RYR3: variants seen among roughly 807,000 people sequenced by gnomAD.
The protein encoded by RYR3 is brain ryanodine receptor-calcium release channel.
RYR3 carries 207 observed loss-of-function variants against 584.3 expected under a neutral mutation model. That is an observed-to-expected ratio of 0.35 (90% confidence interval 0.32 to 0.40). The LOEUF (loss-of-function observed/expected upper bound fraction) is 0.40, where lower values mean the gene tolerates loss of function less well. Among genes scored for constraint, RYR3 ranks in the 10% least tolerant of loss-of-function variants. The pLI, the probability that RYR3 is intolerant of heterozygous loss-of-function variation, is 1.00. For missense variants in RYR3, 5,616 were observed against 6,089.2 expected, an observed-to-expected ratio of 0.92 and a Z score of 2.59; for synonymous variants, 2,416 against 2,248.5, an observed-to-expected ratio of 1.07 and a Z score of -2.11.
intron 89 of RYR3, among the ~76,000 whole-genome samples, chr15:33,839,386 A>G (rs186767802): frequency 1.4e-4 from 22 of 152,286 alleles, no homozygotes; most frequent in Non-Finnish European, 3.1e-4. Context: ...TGGCCTCTCT[A>G]TGAGTTTGAT....
chr15:33,666,652 A>T lies in RYR3; in HGVS notation c.5620-2702A>T, dbSNP rs57691356. Among the ~76,000 whole-genome samples the T allele has an allele frequency of 4.1e-3, 630 of 152,350 alleles. 2 individuals are homozygous for T. Among genetic ancestry groups the T allele is most frequent in the African/African-American group, 0.015 (603 of 41,586 alleles). Reference sequence around the variant, plus strand: ...TCCTTCTACAACCTTTGAAGAGAAAACAGATTTTTAAGCCCTATGTCCAGA... The same window carrying T: ...TCCTTCTACAACCTTTGAAGAGAAATCAGATTTTTAAGCCCTATGTCCAGA... On this transcript the variant is annotated intron_variant, in intron 36 of 103. Transcript: ENST00000634891.
At chr15:33,763,456 G>A (rs765111508) in intron 60 of RYR3, among the ~76,000 whole-genome samples, 11 of 151,984 alleles carry the variant, frequency 7.2e-5, no homozygotes, top group Non-Finnish European at 1.3e-4. Flanking sequence ...GGGGGTGAAG[G>A]ATATGAACAG....
intron 60 of RYR3, among the ~76,000 whole-genome samples, chr15:33,766,770 C>CAGG (rs1284324749): frequency 1.3e-5 from 2 of 152,238 alleles, no homozygotes; most frequent in Non-Finnish European, 2.9e-5. Flanking sequence ...GCCCTTGCGC[C>CAGG]ACCTTTTCTG....
At chr15:33,425,885 G>C (rs2596226) in intron 1 of RYR3, among the ~76,000 whole-genome samples, 2 of 152,068 alleles carry the variant, frequency 1.3e-5, no homozygotes, top group East Asian at 3.9e-4. Flanking sequence ...CTCGTGATCC[G>C]CCCGCCTTGG....
chr15:33,461,210 C>G (rs1321505845), intron 1 of RYR3, among the ~76,000 whole-genome samples: 2 of 152,018 alleles, frequency 1.3e-5, no homozygotes, highest in Admixed American at 1.3e-4. Flanking sequence ...TCCCAAAGTG[C>G]TGGGATTACA....
intron 18 of RYR3, among the ~76,000 whole-genome samples, chr15:33,612,318 A>C (rs1157987721): frequency 3.9e-5 from 6 of 152,184 alleles, no homozygotes; most frequent in Non-Finnish European, 8.8e-5. Flanking sequence ...CGAAATAATA[A>C]AGTTCTTTAA....
chr15:33,506,704 C>A (rs1484656623), intron 3 of RYR3, among the ~76,000 whole-genome samples: 1 of 152,162 alleles, frequency 6.6e-6, no homozygotes, highest in Non-Finnish European at 1.5e-5. Context: ...GGTACTAGAA[C>A]CCTCTTGGAA....
In RYR3 at chr15:33,320,248, G is replaced by T. The variant is rs144571798; in HGVS notation, c.51+9152G>T. On this transcript the variant is annotated intron_variant, in intron 1 of 103. Transcript: ENST00000634891. ...AAAGACAGTGTATCATTTATCACAG[G>T]GTATAAAAGAGAGATTGGCAGGCAG... Among the ~76,000 whole-genome samples, 865 of 152,124 alleles carry T rather than the reference G, an allele frequency of 5.7e-3. 6 individuals carry two copies. Among genetic ancestry groups the T allele is most frequent in the Non-Finnish European group, 8.8e-3 (598 of 67,980 alleles).
At position 33,595,841 on chromosome 15, in the gene RYR3, GT is replaced by G. The variant is rs543325092; in HGVS notation, c.1789-5571del. On this transcript the variant is annotated intron_variant, in intron 16 of 103. Transcript: ENST00000634891. ...TTAATTTAAAAAAAAATTTATCTCA[GT>G]TTTTTTCCCTAAGCAAACCAAAACT... Among the ~76,000 whole-genome samples the G allele has an allele frequency of 3.0e-3, 460 of 152,050 alleles. 3 individuals are homozygous for G. The highest frequency in any genetic ancestry group is 0.01 in the Middle Eastern group (3 of 294).
chr15:33,718,781 A>C (rs1355461433), intron 43 of RYR3, among the ~76,000 whole-genome samples: 1 of 152,110 alleles, frequency 6.6e-6, no homozygotes, highest in Admixed American at 6.5e-5. Context: ...TTTCCATCCA[A>C]CTATTCAGGA....
intron 42 of RYR3, among the ~76,000 whole-genome samples, chr15:33,705,256 A>G (rs563482340): frequency 6.6e-6 from 1 of 152,238 alleles, no homozygotes; most frequent in South Asian, 2.1e-4. Flanking sequence ...TCTGAACTCT[A>G]AGCAGAATAT....
At chr15:33,567,900 C>A (rs954697351) in intron 12 of RYR3, among the ~76,000 whole-genome samples, 1 of 152,156 alleles carries the variant, frequency 6.6e-6, no homozygotes, top group Non-Finnish European at 1.5e-5. Context: ...TGGCCACATG[C>A]TAGATTTATC....
intron 71 of RYR3, 67 bp from the exon 72 acceptor site, chr15:33,810,911 T>A (rs2076497447): frequency 3.7e-6 from 5 of 1,339,992 alleles, no homozygotes; most frequent in East Asian, 4.9e-5. Flanking sequence ...TCTCCATACA[T>A]CCCCATATGC....
intron 12 of RYR3, among the ~76,000 whole-genome samples, chr15:33,573,018 A>AT (rs1001785624): frequency 9.2e-5 from 14 of 152,044 alleles, no homozygotes; most frequent in South Asian, 2.1e-4. Flanking sequence ...TAAATACTTG[A>AT]TTTTTTGTAT....
intron 39 of RYR3, 62 bp from the exon 40 acceptor site, chr15:33,697,820 C>A: frequency 9.8e-7 from 1 of 1,024,444 alleles, no homozygotes; most frequent in Non-Finnish European, 1.5e-6. Context: ...TGTTCTCATC[C>A]CTGAATTTTC....
intron 1 of RYR3, among the ~76,000 whole-genome samples, chr15:33,362,033 C>T (rs913993193): frequency 2.0e-4 from 30 of 152,246 alleles, no homozygotes; most frequent in African/African-American, 7.0e-4. Flanking sequence ...AGCCTCCTGA[C>T]CAGTGGCCAC....
At chr15:33,725,923 TCA>T (rs1208384780) in intron 45 of RYR3, among the ~76,000 whole-genome samples, 2 of 124,982 alleles carry the variant, frequency 1.6e-5, no homozygotes, top group Non-Finnish European at 3.1e-5. Flanking sequence ...TGAGCTGAGA[TCA>T]CGCCACTGCA....
chr15:33,829,763 A>T (rs1596863572), intron 85 of RYR3, among the ~76,000 whole-genome samples: 1 of 152,124 alleles, frequency 6.6e-6, no homozygotes, highest in East Asian at 1.9e-4. Flanking sequence ...AAAAAAAAAA[A>T]AAAAAATTTT....
chr15:33,579,176 T>G (rs1014586574), intron 12 of RYR3, among the ~76,000 whole-genome samples: 121 of 150,948 alleles, frequency 8.0e-4, no homozygotes, highest in Non-Finnish European at 1.6e-4. Flanking sequence ...GTTTGAGAGA[T>G]AGGGGACACT....
Sources: allele counts gnomAD v4.1 joint callset (sites outside exome capture counted in the v4.1 genomes callset), GRCh38; gene constraint gnomAD v4.1.1; transcripts MANE v1.5; gene names NCBI Gene and HGNC (gene_info 2026-07-23, HGNC 2026-07-21).